Variants in VPS8 observed in about 807,000 individuals in gnomAD.
The protein encoded by VPS8 is VPS8 subunit of CORVET complex.
A neutral mutation model predicts 216.4 loss-of-function variants in VPS8; 129 were observed. The ratio of observed to expected loss-of-function variants is 0.60; its 90% CI spans 0.52 to 0.69. VPS8 has a LOEUF of 0.69. Among genes scored for constraint, VPS8 ranks in the 30% least tolerant of loss-of-function variants. VPS8 has a pLI of 0.00. For synonymous variants in VPS8, 571 were observed against 565.4 expected (o/e 1.01, Z -0.14); for missense variants, 1,531 against 1,683.5 (o/e 0.91, Z 1.59).
chr3:184,959,933 C>A (rs1746223830), intron 37 of VPS8, among the ~76,000 whole-genome samples: 1 of 151,922 alleles, frequency 6.6e-6, no homozygotes, highest in Non-Finnish European at 1.5e-5. Context: ...TGGTGTGCTG[C>A]ACCCATCAAC....
intron 45 of VPS8, among the ~76,000 whole-genome samples, chr3:185,002,674 C>T (rs1189628796): frequency 6.6e-6 from 1 of 152,298 alleles, no homozygotes; most frequent in East Asian, 1.9e-4. Flanking sequence ...CATAGTTAAG[C>T]TCCCACTGAT....
At chr3:184,991,253 C>T (rs1414297897) in intron 42 of VPS8, among the ~76,000 whole-genome samples, 1 of 152,142 alleles carries the variant, frequency 6.6e-6, no homozygotes, top group African/African-American at 2.4e-5. Flanking sequence ...ACAAATTTAC[C>T]TGGGTACCCA....
At chr3:185,016,721 C>T (rs929291747) in intron 45 of VPS8, among the ~76,000 whole-genome samples, 1 of 152,130 alleles carries the variant, frequency 6.6e-6, no homozygotes, top group African/African-American at 2.4e-5. Context: ...AGTTAACATT[C>T]TCCATTTCCC....
Position 184,924,901 on chromosome 3 carries a change from G to C in VPS8, c.2494G>C (p.Gly832Arg). 1 of 1,613,392 alleles carries C rather than the reference G, an allele frequency of 6.2e-7. No homozygotes were observed. The highest frequency in any genetic ancestry group is 1.1e-5 in the South Asian group (1 of 91,050). ...ENSDFTPSQV[G>R]CLFTFLARQL... ...TTCAGACTTTACCCCCTCACAAGTA[G>C]GATGTCTCTTTACCTTCCTTGCTCG... is the stretch of plus-strand genomic sequence containing the variant. The change falls in exon 30 of 48, where the codon GGA (glycine) becomes CGA (arginine). Residue 832 changes from glycine (G) to arginine (R), a missense_variant. Gly to Arg is a moderately radical substitution (Grantham distance 125). This residue lies in a region of VPS8 where 1,318 missense variants were observed against 1,468.4 expected (regional missense o/e 0.90). Coordinates refer to ENST00000625842, the MANE Select transcript of VPS8 (RefSeq NM_001009921.3).
chr3:184,993,325 G>T (rs76693798), intron 42 of VPS8, among the ~76,000 whole-genome samples: 10,759 of 151,796 alleles, frequency 0.071, 471 homozygotes, highest in Non-Finnish European at 0.093. Flanking sequence ...AGTTTTTGGT[G>T]TGGTTTTTTG....
intron 46 of VPS8, among the ~76,000 whole-genome samples, chr3:185,028,681 C>T (rs1757714905): frequency 6.6e-6 from 1 of 152,180 alleles, no homozygotes; most frequent in African/African-American, 2.4e-5. Context: ...CCCTGACACC[C>T]TCCTTAAGTC....
chr3:184,839,581 A>G, intron 6 of VPS8, 117 bp from the exon 7 acceptor site: 1 of 942,598 alleles, frequency 1.1e-6, no homozygotes. Context: ...CTTCTTATTT[A>G]CAATAGTTTG....
chr3:184,926,923 G>C lies in VPS8; in HGVS notation c.2631+273G>C, dbSNP rs1263534652. On this transcript the variant is annotated intron_variant, in intron 31 of 47. Transcript: ENST00000625842. ...AAACTTCCCCTATTATATAGCAACA[G>C]CTAGGACTTCTTGTACCCTGCATTC... is the stretch of plus-strand genomic sequence containing the variant. 2.0e-5 allele frequency among the ~76,000 whole-genome samples: 3 copies of C among 152,160 alleles called. No individual in the cohort carries two copies. The East Asian group carries it at 5.8e-4, about 29-fold the overall frequency.
intron 35 of VPS8, among the ~76,000 whole-genome samples, chr3:184,936,659 T>C (rs1741694297): frequency 6.6e-6 from 1 of 151,940 alleles, no homozygotes; most frequent in African/African-American, 2.4e-5. Flanking sequence ...TCTGGAACTA[T>C]AATGTACTTA....
At chr3:184,853,157 A>T (rs1402571779) in intron 11 of VPS8, among the ~76,000 whole-genome samples, 1 of 152,200 alleles carries the variant, frequency 6.6e-6, no homozygotes, top group Non-Finnish European at 1.5e-5. Context: ...GTTAATGTTT[A>T]TTGAGCATCT....
intron 35 of VPS8, among the ~76,000 whole-genome samples, chr3:184,937,941 T>C (rs1003872045): frequency 1.3e-5 from 2 of 152,172 alleles, no homozygotes; most frequent in African/African-American, 4.8e-5. Context: ...ATTTAAACTG[T>C]CTTCTGTGTA....
At chr3:184,991,560 A>G (rs570360109) in intron 42 of VPS8, among the ~76,000 whole-genome samples, 1 of 152,316 alleles carries the variant, frequency 6.6e-6, no homozygotes, top group East Asian at 1.9e-4. Flanking sequence ...TAACCTTTTA[A>G]GACCTCTTTG....
intron 11 of VPS8, among the ~76,000 whole-genome samples, chr3:184,853,060 A>C (rs146807155): frequency 6.6e-6 from 1 of 152,338 alleles, no homozygotes; most frequent in East Asian, 1.9e-4. Context: ...TTCAAGGTTA[A>C]CAACTATCTT....
At chr3:185,038,761 A>G (rs895240129) in intron 46 of VPS8, among the ~76,000 whole-genome samples, 2 of 152,146 alleles carry the variant, frequency 1.3e-5, no homozygotes, top group African/African-American at 4.8e-5. Flanking sequence ...GTCATCCCCC[A>G]GTCTAGTTGT....
At position 185,051,950 on chromosome 3, in the gene VPS8, T is replaced by C; in HGVS notation, c.4212T>C (p.Ala1404=). 5.6e-6 allele frequency: 9 copies of C among 1,613,670 alleles called. No homozygotes were observed. Among genetic ancestry groups the C allele is most frequent in the Non-Finnish European group, 7.6e-6 (9 of 1,179,762 alleles). ...GGCCATTCAGTGGCTCGCAGAGTGC[T>C]CCTGCTTTCAACAGCATCTTCCAGA... The part of the protein sequence containing the change: ...SYRPFSGSQS[A]PAFNSIFQNE... Residue 1404 remains alanine (A), a synonymous_variant, in exon 48 of 48, where the codon GCT becomes GCC. Transcript: ENST00000625842.
intron 45 of VPS8, among the ~76,000 whole-genome samples, chr3:185,022,562 A>T (rs1177407952): frequency 5.3e-5 from 8 of 151,902 alleles, no homozygotes. Context: ...TTTTCATTTA[A>T]TTTGTCAAGC....
chr3:184,999,881 C>A lies in VPS8; in HGVS notation c.4002+20C>A, dbSNP rs759391780. 1.9e-6 allele frequency: 3 copies of A among 1,590,228 alleles called. No homozygotes were observed. In the South Asian group the frequency reaches 3.5e-5, roughly 18 times the overall value. ...TCACAGGTAAGACTTGTTTTCGTGG[C>A]AAAATGGAAATGGTCTTTTCTTACC... On this transcript the variant is annotated intron_variant, in intron 45 of 47. Coordinates refer to ENST00000625842, the MANE Select transcript of VPS8 (RefSeq NM_001009921.3).
chr3:185,041,825 C>G (rs531114717), intron 46 of VPS8, among the ~76,000 whole-genome samples: 20 of 152,312 alleles, frequency 1.3e-4, no homozygotes, highest in Non-Finnish European at 2.4e-4. Context: ...AGCCTTCTGC[C>G]TGGACCTCTG....
intron 25 of VPS8, among the ~76,000 whole-genome samples, chr3:184,907,859 C>T (rs907142424): frequency 1.3e-5 from 2 of 152,148 alleles, no homozygotes; most frequent in African/African-American, 4.8e-5. Flanking sequence ...CTGCTGTAGC[C>T]TTCCCTTCCT....
Sources: allele counts gnomAD v4.1 joint callset (sites outside exome capture counted in the v4.1 genomes callset), GRCh38; gene constraint gnomAD v4.1.1; regional missense constraint gnomAD v4.1.1; transcripts MANE v1.5; gene names NCBI Gene and HGNC (gene_info 2026-07-23, HGNC 2026-07-21).